The following N4BP2 variants were observed in gnomAD, a reference collection of about 807,000 sequenced individuals.
The protein encoded by N4BP2 is NEDD4 binding protein 2.
Under a neutral mutation model 152.8 loss-of-function variants are expected in N4BP2, and 91 were observed. That is an observed-to-expected ratio of 0.60 (90% CI 0.50 to 0.71). N4BP2 has a LOEUF of 0.71. Among genes scored for constraint, N4BP2 ranks in the 30% least tolerant of loss-of-function variants. The pLI is 0.00. For missense variants in N4BP2, 1,923 were observed against 2,059.1 expected, an observed-to-expected ratio of 0.93 and a Z score of 1.28; for synonymous variants, 646 against 705.3, an observed-to-expected ratio of 0.92 and a Z score of 1.33.
chr4:40,077,399 C>T (rs1305010698), intron 2 of N4BP2, among the ~76,000 whole-genome samples: 2 of 150,688 alleles, frequency 1.3e-5, no homozygotes, highest in African/African-American at 4.9e-5. Context: ...CTGCCTGCCT[C>T]GGCCTCCCAA....
rs1007933661 is a variant in N4BP2, at chr4:40,144,514, G to T, written c.4975-118G>T. ...ATATTAAACTCATTGCATTATTTAA[G>T]ATTTTAGGTTTATTATTCCCTTTTT... On this transcript the variant is annotated intron_variant, in intron 15 of 17. Coordinates refer to ENST00000261435, the MANE Select transcript of N4BP2 (RefSeq NM_018177.6). 3.7e-5 allele frequency: 29 copies of T among 791,318 alleles called. No homozygotes were observed. The South Asian group carries it at 6.2e-4, about 17-fold the overall frequency. 49.0% of individuals were successfully genotyped at this position (791,318 alleles called of 1,614,324 possible).
At chr4:40,170,959 A>G in the N4BP2 span, among the ~76,000 whole-genome samples, 3 of 152,202 alleles carry the variant, frequency 2.0e-5, no homozygotes, top group African/African-American at 7.2e-5. Context: ...AGGCTTTTAC[A>G]TGTTTATGAT....
At chr4:40,090,212 G>A (rs1262417038) in intron 2 of N4BP2, among the ~76,000 whole-genome samples, 2 of 152,078 alleles carry the variant, frequency 1.3e-5, no homozygotes, top group African/African-American at 4.8e-5. Context: ...TTGAAATCAG[G>A]TTGCGATTCC....
intron 9 of N4BP2, 50 bp downstream of exon 9, chr4:40,122,359 CA>C: frequency 8.0e-7 from 1 of 1,245,488 alleles, no homozygotes; most frequent in South Asian, 1.8e-5. Context: ...GACTAGACTA[CA>C]GAGGGTTCTA....
chr4:40,142,419 T>G, intron 14 of N4BP2: 1 of 368,866 alleles, frequency 2.7e-6, no homozygotes, highest in Non-Finnish European at 5.0e-6. Flanking sequence ...CTAATTGTAT[T>G]TTGATAATTT....
chr4:40,088,690 G>A (rs1055192913), intron 2 of N4BP2, among the ~76,000 whole-genome samples: 17 of 151,912 alleles, frequency 1.1e-4, no homozygotes, highest in African/African-American at 4.1e-4. Flanking sequence ...ACTAGAAACG[G>A]GGTTTCTCCT....
intron 2 of N4BP2, 104 bp from the exon 3 acceptor site, chr4:40,097,123 G>A (rs1411506442): frequency 2.1e-6 from 1 of 478,368 alleles, no homozygotes; most frequent in African/African-American, 2.0e-5. Flanking sequence ...TAGCTCTGCT[G>A]TTAGAGTTGG....
chr4:40,179,749 T>G, the N4BP2 span, among the ~76,000 whole-genome samples: 1 of 150,538 alleles, frequency 6.6e-6, no homozygotes. Flanking sequence ...TTTAGAGTGG[T>G]AAAGCCTTTC....
At chr4:40,150,778 T>C (rs1474749707) in intron 16 of N4BP2, among the ~76,000 whole-genome samples, 1 of 152,112 alleles carries the variant, frequency 6.6e-6, no homozygotes, top group Non-Finnish European at 1.5e-5. Flanking sequence ...TTAAGAAATA[T>C]ATCAATCAAA....
intron 2 of N4BP2, among the ~76,000 whole-genome samples, chr4:40,087,139 T>C (rs555041189): frequency 1.3e-5 from 2 of 152,304 alleles, no homozygotes; most frequent in African/African-American, 2.4e-5. Context: ...CAATGTTCTA[T>C]AGATATGGAG....
chr4:40,180,055 C>T, the N4BP2 span, among the ~76,000 whole-genome samples: 1 of 152,028 alleles, frequency 6.6e-6, no homozygotes, highest in African/African-American at 2.4e-5. Context: ...TGAGCCACCG[C>T]GCCTGGCCTA....
chr4:40,170,605 C>T, the N4BP2 span, among the ~76,000 whole-genome samples: 1 of 152,138 alleles, frequency 6.6e-6, no homozygotes, highest in Non-Finnish European at 1.5e-5. Flanking sequence ...TGCCACTGAA[C>T]TCCATCCTGG....
chr4:40,150,522 T>C (rs1721052910), intron 16 of N4BP2, among the ~76,000 whole-genome samples: 1 of 152,030 alleles, frequency 6.6e-6, no homozygotes, highest in African/African-American at 2.4e-5. Context: ...TACAAAAATA[T>C]TAGCTGGGCA....
chr4:40,167,490 GGA>G, the N4BP2 span: 1 of 152,138 alleles, frequency 6.6e-6, no homozygotes, highest in African/African-American at 2.4e-5. Flanking sequence ...ATCAGACAGT[GGA>G]ATCATATCTA....
chr4:40,178,568 C>T, the N4BP2 span, among the ~76,000 whole-genome samples: 84 of 152,306 alleles, frequency 5.5e-4, no homozygotes, highest in South Asian at 8.9e-3. Context: ...TTAACGTGGG[C>T]ATACTTTATC....
Position 40,122,042 on chromosome 4 carries a change from A to G in N4BP2, c.3931A>G (p.Ile1311Val). 6.5e-7 allele frequency: 1 copy of G among 1,541,424 alleles called. No homozygotes were observed. The highest frequency in any genetic ancestry group is 1.2e-5 in the South Asian group (1 of 82,320). ...AATTTATTTTACTGATTCTCTTGAAATAAAGAGAAATGAAAATTTTCCAAA... is the reference window on the plus strand; with the variant it reads ...AATTTATTTTACTGATTCTCTTGAAGTAAAGAGAAATGAAAATTTTCCAAA... ...EEIYFTDSLE[I>V]KRNENFPKDY... The change falls in exon 9 of 18, where the codon ATA becomes GTA. Residue 1311 changes from isoleucine (I) to valine (V), a missense_variant. Ile to Val is a conservative substitution (Grantham distance 29). Coordinates refer to ENST00000261435, the MANE Select transcript of N4BP2 (RefSeq NM_018177.6).
rs113051768 is a variant in N4BP2 at position 40,060,439 on chromosome 4, T to G, written c.-212+3409T>G. Among the ~76,000 whole-genome samples the G allele has an allele frequency of 5.9e-3, 898 of 151,936 alleles. 9 individuals are homozygous for G. Among genetic ancestry groups the G allele is most frequent in the African/African-American group, 0.021 (855 of 41,426 alleles). On this transcript the variant is annotated intron_variant, in intron 1 of 17. Coordinates refer to ENST00000261435, the MANE Select transcript of N4BP2 (RefSeq NM_018177.6). ...TTTTTATTTTGAGTAGTGATGGGGT[T>G]ACACCTTGTTGGTCAGGCTGGTCGT...
the N4BP2 span, among the ~76,000 whole-genome samples, chr4:40,179,010 A>T: frequency 6.6e-6 from 1 of 152,202 alleles, no homozygotes; most frequent in African/African-American, 2.4e-5. Context: ...GGCAGAAAGC[A>T]TAAGACCATT....
chr4:40,165,899 A>AT, the N4BP2 span, among the ~76,000 whole-genome samples: 1 of 151,984 alleles, frequency 6.6e-6, no homozygotes, highest in African/African-American at 2.4e-5. Flanking sequence ...CTCTGTCTCT[A>AT]TTTCTTCCTC....
Sources: gnomAD v4.1 joint callset for allele counts (sites outside exome capture counted in the v4.1 genomes callset) on GRCh38, gnomAD v4.1.1 for gene constraint, MANE v1.5 for transcripts, NCBI Gene and HGNC (gene_info 2026-07-23, HGNC 2026-07-21) for gene names.